The following AHCTF1 variants were observed in gnomAD, a reference collection of about 807,000 sequenced individuals.
AHCTF1 encodes AT-hook containing transcription factor 1.
A neutral mutation model predicts 248.4 loss-of-function variants in AHCTF1; 24 were observed. That is an observed-to-expected ratio of 0.10 (90% CI 0.07 to 0.14). The LOEUF is 0.14. AHCTF1 is among the 10% of genes least tolerant of loss of function. The pLI, the probability that AHCTF1 is intolerant of heterozygous loss-of-function variation, is 1.00. For synonymous variants in AHCTF1, 786 were observed against 929.8 expected (o/e 0.85, Z 2.81); for missense variants, 2,206 against 2,636.2 (o/e 0.84, Z 3.57).
At chr1:246,862,331 T>G (rs1413670143) in intron 27 of AHCTF1, among the ~76,000 whole-genome samples, 178 bp from the exon 28 acceptor site, 1 of 151,854 alleles carries the variant, frequency 6.6e-6, no homozygotes, top group Non-Finnish European at 1.5e-5. Context: ...ATACAAAAAA[T>G]TAGGCAGGCG....
intron 16 of AHCTF1, among the ~76,000 whole-genome samples, chr1:246,890,441 G>T (rs1417426161): frequency 6.6e-6 from 1 of 152,020 alleles, no homozygotes; most frequent in Non-Finnish European, 1.5e-5. Context: ...AAATCTAATG[G>T]CTTCCTGGAA....
At chr1:246,869,358 G>A (rs545430867) in intron 24 of AHCTF1, among the ~76,000 whole-genome samples, 1 of 152,284 alleles carries the variant, frequency 6.6e-6, no homozygotes, top group African/African-American at 2.4e-5. Context: ...TCATGTGAAA[G>A]GAGGAGTCAC....
Position 246,855,840 on chromosome 1 carries a change from A to G in AHCTF1, c.4257-13T>C. The G allele has an allele frequency of 6.3e-7, 1 of 1,596,232 alleles. No individual in the cohort carries two copies. Among genetic ancestry groups the G allele is most frequent in the Non-Finnish European group, 8.6e-7 (1 of 1,164,668 alleles). On this transcript the variant is annotated splice_polypyrimidine_tract_variant and intron_variant, in intron 30 of 35. Coordinates refer to ENST00000648844, the MANE Select transcript of AHCTF1 (RefSeq NM_001323342.2). ...GGTGAAGATTTTCCTTTAGAAAAAG[A>G]AATACATACCTTAGTGTGTAAGAAG...
intron 4 of AHCTF1, among the ~76,000 whole-genome samples, chr1:246,909,779 C>G (rs372967955): frequency 3.3e-5 from 5 of 152,180 alleles, no homozygotes; most frequent in African/African-American, 1.2e-4. Context: ...GAATGTATCC[C>G]TCGCAGATAA....
intron 3 of AHCTF1, among the ~76,000 whole-genome samples, chr1:246,914,217 A>G (rs1665995231): frequency 6.6e-6 from 1 of 152,210 alleles, no homozygotes. Flanking sequence ...GGTATGATAT[A>G]TGATAAAATG....
intron 14 of AHCTF1, among the ~76,000 whole-genome samples, chr1:246,894,418 A>C (rs984030192): frequency 6.6e-6 from 1 of 151,630 alleles, no homozygotes; most frequent in African/African-American, 2.4e-5. Context: ...TAAAAAATAC[A>C]AAAAAATTAG....
intron 1 of AHCTF1, among the ~76,000 whole-genome samples, chr1:246,923,666 G>C (rs986817237): frequency 2.0e-5 from 3 of 152,226 alleles, no homozygotes; most frequent in Admixed American, 2.0e-4. Context: ...CACGGCTAGA[G>C]TGAAGTGGTG....
intron 12 of AHCTF1, among the ~76,000 whole-genome samples, chr1:246,897,873 G>A (rs1011956624): frequency 2.6e-4 from 35 of 133,514 alleles, no homozygotes; most frequent in Non-Finnish European, 1.3e-4. Flanking sequence ...AGCTACTTGC[G>A]GGGGCTGGGG....
chr1:246,868,954 C>T (rs565771335), intron 24 of AHCTF1, among the ~76,000 whole-genome samples: 38 of 150,826 alleles, frequency 2.5e-4, no homozygotes, highest in Middle Eastern at 3.4e-3. Context: ...ACGCCATTCT[C>T]CTGCCTCAGC....
chr1:246,927,403 C>T (rs897445240), intron 1 of AHCTF1, among the ~76,000 whole-genome samples: 3 of 152,126 alleles, frequency 2.0e-5, no homozygotes, highest in African/African-American at 7.2e-5. Context: ...GCATGGGAAT[C>T]GCTTGAACCG....
chr1:246,905,265 T>C (rs950175035), intron 6 of AHCTF1, among the ~76,000 whole-genome samples: 2 of 152,146 alleles, frequency 1.3e-5, no homozygotes, highest in Non-Finnish European at 2.9e-5. Flanking sequence ...TTTGGGAGGC[T>C]GAGGCGGGCA....
Position 246,857,437 on chromosome 1 carries a change from G to C in AHCTF1, c.4256+254C>G, listed in dbSNP as rs144544553. ...TATGCACAGCTGTGAGCGAAATCTT[G>C]GTCTTCAACAAAAACAGAATCACCA... On this transcript the variant is annotated intron_variant, in intron 30 of 35. Coordinates refer to ENST00000648844, the MANE Select transcript of AHCTF1 (RefSeq NM_001323342.2). Among the ~76,000 whole-genome samples the C allele has an allele frequency of 1.7e-3, 257 of 152,244 alleles. 3 individuals are homozygous for C. The highest frequency in any genetic ancestry group is 2.5e-3 in the Non-Finnish European group (171 of 68,020).
chr1:246,867,899 C>CCG (rs1553291123), intron 24 of AHCTF1, 88 bp from the exon 25 acceptor site: 6 of 557,362 alleles, frequency 1.1e-5, no homozygotes, highest in African/African-American at 9.6e-5. Context: ...ACACCCCCCC[C>CCG]CCCACACACA....
chr1:246,890,225 A>G (rs1371192537), intron 16 of AHCTF1, among the ~76,000 whole-genome samples, 166 bp from the exon 17 acceptor site: 2 of 152,240 alleles, frequency 1.3e-5, no homozygotes, highest in East Asian at 3.8e-4. Flanking sequence ...TTATTTACAG[A>G]GGCACAAGTG....
rs770973551 is a variant in AHCTF1 at position 246,888,344 on chromosome 1, C to T, written c.2268+50G>A. On this transcript the variant is annotated intron_variant, in intron 18 of 35. Transcript: ENST00000648844. ...GACACACAGCTAAGCATGTCTCCTC[C>T]CTCCCCAGCTTTGTAGACTCTAAAT... is the stretch of plus-strand genomic sequence containing the variant. The T allele has an allele frequency of 1.9e-6, 3 of 1,611,982 alleles. No homozygotes were observed. The African/African-American group carries it at 4.0e-5, about 22-fold the overall frequency.
At chr1:246,853,703 A>G (rs2103049420) in intron 31 of AHCTF1, among the ~76,000 whole-genome samples, 1 of 149,536 alleles carries the variant, frequency 6.7e-6, no homozygotes, top group South Asian at 2.1e-4. Flanking sequence ...TAAAGAATGA[A>G]TCTCTTTTGG....
Position 246,877,309 on chromosome 1 carries a change from G to C in AHCTF1, c.2661-7C>G, listed in dbSNP as rs1558240138. The C allele has an allele frequency of 6.4e-7, 1 of 1,565,088 alleles. No homozygotes were observed. Among genetic ancestry groups the C allele is most frequent in the South Asian group, 1.2e-5 (1 of 82,872 alleles). ...CCAGGCTTCAACCATACACCTGAAA[G>C]CAGTATTTATCAAAGTTTAGTTTTA... On this transcript the variant is annotated splice_region_variant and splice_polypyrimidine_tract_variant and intron_variant, in intron 21 of 35. Transcript: ENST00000648844.
At chr1:246,867,896 C>CA in intron 24 of AHCTF1, 85 bp from the exon 25 acceptor site, 4 of 563,334 alleles carry the variant, frequency 7.1e-6, no homozygotes, top group Non-Finnish European at 2.6e-6. Flanking sequence ...ATTACACCCC[C>CA]CCCCCCACAC....
At chr1:246,884,553 AG>A (rs1392298154) in intron 21 of AHCTF1, among the ~76,000 whole-genome samples, 1 of 152,238 alleles carries the variant, frequency 6.6e-6, no homozygotes, top group Non-Finnish European at 1.5e-5. Flanking sequence ...AAGTCTAGTA[AG>A]GAATTTCAGC....
Sources: allele counts gnomAD v4.1 joint callset (sites outside exome capture counted in the v4.1 genomes callset), GRCh38; gene constraint gnomAD v4.1.1; transcripts MANE v1.5; gene names NCBI Gene and HGNC (gene_info 2026-07-23, HGNC 2026-07-21).